TMEM63A: variants seen among roughly 807,000 people sequenced by gnomAD.
TMEM63A encodes transmembrane protein 63A.
In TMEM63A, 76 loss-of-function variants were observed where a neutral mutation model predicts 100.6. The observed-to-expected ratio is 0.76, with a 90% CI of 0.63 to 0.91. The LOEUF (loss-of-function observed/expected upper bound fraction) is 0.91, where lower values mean the gene tolerates loss of function less well. TMEM63A is among the 40% of genes least tolerant of loss of function. The pLI, the probability that TMEM63A is intolerant of heterozygous loss-of-function variation, is 0.00. For missense variants in TMEM63A, 876 were observed against 1,008.8 expected (o/e 0.87, Z 1.78); for synonymous variants, 401 against 401.1 (o/e 1.00, Z 0.00).
intron 15 of TMEM63A, among the ~76,000 whole-genome samples, chr1:225,858,318 G>GTT (rs67373815): frequency 6.7e-4 from 47 of 70,140 alleles, no homozygotes; most frequent in Non-Finnish European, 1.1e-3. Flanking sequence ...AGAATAGTTT[G>GTT]TTTTTTTTTT....
intron 6 of TMEM63A, among the ~76,000 whole-genome samples, chr1:225,869,926 G>A (rs781693737): frequency 4.0e-5 from 6 of 151,734 alleles, no homozygotes; most frequent in Admixed American, 6.6e-5. Flanking sequence ...CTCCCAAAGC[G>A]TTGGGATTAC....
chr1:225,867,799 T>C lies in TMEM63A; in HGVS notation c.514+89A>G. On this transcript the variant is annotated intron_variant, in intron 7 of 24. Coordinates refer to ENST00000366835, the MANE Select transcript of TMEM63A (RefSeq NM_014698.3). This position sits in a 1 kb window ranked among gnomAD's most constrained non-coding sequence, Gnocchi z 4.6. ...TACATCTGAAGTGGGGCATGACTCC[T>C]GGGGTTCTGGTCTACCACAGTGAGC... 2.6e-6 allele frequency: 4 copies of C among 1,539,470 alleles called. No homozygotes were observed. Among genetic ancestry groups the C allele is most frequent in the Non-Finnish European group, 3.5e-6 (4 of 1,130,200 alleles).
chr1:225,875,594 T>C (rs1431614127), intron 3 of TMEM63A, among the ~76,000 whole-genome samples: 2 of 152,152 alleles, frequency 1.3e-5, no homozygotes, highest in Non-Finnish European at 2.9e-5. Context: ...CAAAGGCAGG[T>C]GAGTCATGTT....
intron 14 of TMEM63A, 28 bp from the exon 15 acceptor site, chr1:225,859,377 C>T (rs376065393): frequency 1.9e-5 from 30 of 1,611,728 alleles, no homozygotes; most frequent in Admixed American, 1.3e-4. Context: ...ATACAGGTCT[C>T]GAGGCTTGTC....
downstream of TMEM63A, chr1:225,845,416 C>G (rs1180681026): frequency 2.0e-6 from 3 of 1,488,362 alleles, no homozygotes; most frequent in Admixed American, 6.0e-5. Context: ...GGGGAAGATA[C>G]CCCTTTTCTG....
intron 4 of TMEM63A, 62 bp from the exon 5 acceptor site, chr1:225,872,115 A>G (rs1419429739): frequency 9.0e-5 from 117 of 1,293,610 alleles, no homozygotes; most frequent in Non-Finnish European, 1.2e-4. Context: ...AAGCCAAACA[A>G]GTCAAAAAGA....
At chr1:225,854,631 C>T (rs61304305) in intron 18 of TMEM63A, among the ~76,000 whole-genome samples, 5,610 of 152,200 alleles carry the variant, frequency 0.037, 320 homozygotes, top group African/African-American at 0.13. Context: ...AGGTAACATC[C>T]GTGGTACCCA....
rs535022472 is a variant in TMEM63A, at chr1:225,850,328, TTAA to T, written c.1904-252_1904-250del. Among the ~76,000 whole-genome samples the T allele has an allele frequency of 1.1e-3, 160 of 152,082 alleles. No homozygotes were observed. The Middle Eastern group carries it at 0.024, about 23-fold the overall frequency. On this transcript the variant is annotated intron_variant, in intron 20 of 24. Coordinates refer to ENST00000366835, the MANE Select transcript of TMEM63A (RefSeq NM_014698.3). ...ATCGGTCAGGGTGGTGGGAGAAAAT[TTAA>T]GATAAAGTTATAGGAAATAGACACA...
rs1163324897 is a variant in TMEM63A at position 225,865,083 on chromosome 1, G to A, written c.746+814C>T. ...CGCAGTAAGCTATTATTGCACTACT[G>A]AACTCTAGCCTGGGCAACAGAGCAA... On this transcript the variant is annotated intron_variant, in intron 10 of 24. Coordinates refer to ENST00000366835, the MANE Select transcript of TMEM63A (RefSeq NM_014698.3). This position sits in a 1 kb window ranked among gnomAD's most constrained non-coding sequence, Gnocchi z 4.6. The A allele has an allele frequency of 6.6e-6, 1 of 152,118 alleles. No individual in the cohort carries two copies. The highest frequency in any genetic ancestry group is 1.9e-4 in the East Asian group (1 of 5,200). The allele number at this position is 152,118 out of a possible 1,614,324, so 9.4% of individuals were successfully genotyped here.
downstream of TMEM63A, chr1:225,844,587 A>C (rs1668763832): frequency 6.2e-7 from 1 of 1,614,000 alleles, no homozygotes; most frequent in African/African-American, 1.3e-5. Context: ...TACAAGGAGA[A>C]CCTGGGACAG....
At position 225,853,119 on chromosome 1, in the gene TMEM63A, C is replaced by G. The variant is rs1445691078; in HGVS notation, c.1798-350G>C. Among the ~76,000 whole-genome samples, 1 of 152,174 alleles carries G rather than the reference C, an allele frequency of 6.6e-6. No individual in the cohort carries two copies. The highest frequency in any genetic ancestry group is 2.4e-5 in the African/African-American group (1 of 41,430). ...AGCTTAGTTCATGCCTCTGTGAAAT[C>G]GGGATACTAGCAGTGCCCAGCTCAT... On this transcript the variant is annotated intron_variant, in intron 19 of 24. Coordinates refer to ENST00000366835, the MANE Select transcript of TMEM63A (RefSeq NM_014698.3). This position sits in a 1 kb window ranked among gnomAD's most constrained non-coding sequence, Gnocchi z 4.0.
intron 6 of TMEM63A, among the ~76,000 whole-genome samples, chr1:225,870,834 C>G (rs360090): frequency 0.96 from 145,671 of 152,318 alleles, 69,676 homozygotes; most frequent in East Asian, 1. Context: ...CTCCAGCAGG[C>G]ACTGTGTGCC....
chr1:225,845,051 C>G, downstream of TMEM63A: 1 of 1,333,846 alleles, frequency 7.5e-7, no homozygotes, highest in Non-Finnish European at 1.1e-6. Flanking sequence ...GGTGGGCCAG[C>G]TGATCTCACC....
At chr1:225,849,119 T>C in intron 21 of TMEM63A, 107 bp from the exon 22 acceptor site, 1 of 825,712 alleles carries the variant, frequency 1.2e-6, no homozygotes, top group Non-Finnish European at 2.0e-6. Context: ...GCCCGTGACT[T>C]CTCCCTCAGG....
In TMEM63A at chr1:225,853,143, A is replaced by G. The variant is rs1233027377; in HGVS notation, c.1798-374T>C. Among the ~76,000 whole-genome samples, 2 of 152,180 alleles carry G rather than the reference A, an allele frequency of 1.3e-5. No homozygotes were observed. Among genetic ancestry groups the G allele is most frequent in the Non-Finnish European group, 2.9e-5 (2 of 68,036 alleles). The stretch of plus-strand genomic sequence containing the variant: ...TCGGGATACTAGCAGTGCCCAGCTC[A>G]TAAGGGGGCTGAGAATGAAATGAAG... On this transcript the variant is annotated intron_variant, in intron 19 of 24. Transcript: ENST00000366835. This position sits in a 1 kb window ranked among gnomAD's most constrained non-coding sequence, Gnocchi z 4.0.
chr1:225,848,355 A>G, intron 23 of TMEM63A, 137 bp downstream of exon 23: 1 of 844,958 alleles, frequency 1.2e-6, no homozygotes, highest in Non-Finnish European at 1.8e-6. Context: ...CTTCTCTGCC[A>G]TTAATTCACA....
intron 1 of TMEM63A, among the ~76,000 whole-genome samples, chr1:225,881,686 G>A (rs1671097279): frequency 6.6e-6 from 1 of 152,182 alleles, no homozygotes; most frequent in Non-Finnish European, 1.5e-5. Context: ...CACCTGCCTG[G>A]GGCTGAATGA....
In TMEM63A at chr1:225,853,827, G is replaced by A. The variant is rs750164548; in HGVS notation, c.1635-36C>T. 1.0e-5 allele frequency: 16 copies of A among 1,544,546 alleles called. No individual in the cohort carries two copies. In the Admixed American group the frequency reaches 3.0e-4, roughly 29 times the overall value. On this transcript the variant is annotated intron_variant, in intron 18 of 24. Transcript: ENST00000366835. The surrounding 1 kb of genome is among the most constrained non-coding windows in gnomAD (Gnocchi z 4.0). ...CAGGGCCCAGGTCTGTGAGCTGAGA[G>A]CCGCTCTTGGAGGGAGAGGAGGGGC...
chr1:225,871,148 A>T, intron 5 of TMEM63A, 35 bp from the exon 6 acceptor site: 2 of 1,609,740 alleles, frequency 1.2e-6, no homozygotes, highest in South Asian at 2.2e-5. Flanking sequence ...AGCTTCCAAC[A>T]TTTGTGTCTT....
Sources: allele counts gnomAD v4.1 joint callset (sites outside exome capture counted in the v4.1 genomes callset), GRCh38; gene constraint gnomAD v4.1.1; non-coding constraint Gnocchi (gnomAD v3.1); transcripts MANE v1.5; gene names NCBI Gene and HGNC (gene_info 2026-07-23, HGNC 2026-07-21).